The following SEZ6L variants were observed in gnomAD, a reference collection of about 807,000 sequenced individuals.
The protein encoded by SEZ6L is seizure related 6 homolog like, also known as seizure 6-like protein.
In SEZ6L, 37 loss-of-function variants were observed where a neutral mutation model predicts 106.2. That is an observed-to-expected ratio of 0.35 (90% CI 0.27 to 0.46). The LOEUF (loss-of-function observed/expected upper bound fraction) is 0.46. Ranked by LOEUF, SEZ6L falls within the 20% of genes least tolerant of loss-of-function variation. The pLI, the probability that SEZ6L is intolerant of heterozygous loss-of-function variation, is 1.00. For synonymous variants in SEZ6L, 541 were observed against 570.4 expected (o/e 0.95, Z 0.73); for missense variants, 1,172 against 1,332.8 (o/e 0.88, Z 1.88).
chr22:26,314,841 G>A (rs2081952956), intron 9 of SEZ6L, among the ~76,000 whole-genome samples: 1 of 152,252 alleles, frequency 6.6e-6, no homozygotes. Flanking sequence ...GTCTGAGAAG[G>A]CAGCAGAGGT....
At position 26,210,052 on chromosome 22, in the gene SEZ6L, C is replaced by T. The variant is rs138075143; in HGVS notation, c.94+40289C>T. 3.5e-3 allele frequency among the ~76,000 whole-genome samples: 531 copies of T among 150,634 alleles called. 6 individuals carry two copies. Among genetic ancestry groups the T allele is most frequent in the African/African-American group, 0.012 (488 of 41,032 alleles). ...AATATGTATTATGAAGCTGTAAATA[C>T]CATGCACTATGTTAGCAAAAAATAT... is the stretch of plus-strand genomic sequence containing the variant. On this transcript the variant is annotated intron_variant, in intron 1 of 16. Transcript: ENST00000248933.
chr22:26,189,894 G>A (rs868065388), intron 1 of SEZ6L, among the ~76,000 whole-genome samples: 3 of 152,022 alleles, frequency 2.0e-5, no homozygotes, highest in Non-Finnish European at 2.9e-5. Context: ...TCAGGAGATC[G>A]AGACCATCCT....
intron 1 of SEZ6L, among the ~76,000 whole-genome samples, chr22:26,197,784 T>G (rs1940673275): frequency 1.3e-5 from 2 of 152,164 alleles, no homozygotes; most frequent in South Asian, 4.1e-4. Flanking sequence ...CTTTCCAATC[T>G]CCAGTAGACT....
chr22:26,245,281 A>G (rs1458781177), intron 1 of SEZ6L, among the ~76,000 whole-genome samples: 2 of 152,168 alleles, frequency 1.3e-5, no homozygotes, highest in East Asian at 3.9e-4. Flanking sequence ...TGAAGCCAGC[A>G]TCCCCGGCTG....
At chr22:26,376,925 A>G (rs2084246852) in intron 15 of SEZ6L, among the ~76,000 whole-genome samples, 1 of 152,072 alleles carries the variant, frequency 6.6e-6, no homozygotes, top group Non-Finnish European at 1.5e-5. Flanking sequence ...ATAACACACT[A>G]AGATAAACAC....
chr22:26,253,571 C>G (rs1373569920), intron 1 of SEZ6L, among the ~76,000 whole-genome samples: 2 of 152,134 alleles, frequency 1.3e-5, no homozygotes, highest in Non-Finnish European at 2.9e-5. Context: ...AAAATAGATG[C>G]CCAGAAAATG....
At chr22:26,243,028 G>A (rs187379371) in intron 1 of SEZ6L, among the ~76,000 whole-genome samples, 1 of 152,142 alleles carries the variant, frequency 6.6e-6, no homozygotes, top group Non-Finnish European at 1.5e-5. Flanking sequence ...TGTTTGCCTT[G>A]CAACCCTTGG....
In SEZ6L at chr22:26,182,256, G is replaced by A. The variant is rs76023029; in HGVS notation, c.94+12493G>A. Among the ~76,000 whole-genome samples the A allele has an allele frequency of 4.4e-3, 669 of 152,284 alleles. 1 individual carries two copies. The highest frequency in any genetic ancestry group is 6.5e-3 in the Non-Finnish European group (445 of 68,016). On this transcript the variant is annotated intron_variant, in intron 1 of 16. Transcript: ENST00000248933. ...TCCTTGCAGACTAGAAACTCCTCAC[G>A]TCTAGGTCACCAATATTTGGCTCAG...
intron 10 of SEZ6L, 107 bp from the exon 11 acceptor site, chr22:26,347,612 T>C: frequency 1.1e-6 from 1 of 933,672 alleles, no homozygotes. Flanking sequence ...TGTTGCTCAT[T>C]TCTAGAGGCT....
chr22:26,329,220 C>G (rs2145962972), intron 9 of SEZ6L, among the ~76,000 whole-genome samples: 1 of 152,258 alleles, frequency 6.6e-6, no homozygotes, highest in Admixed American at 6.5e-5. Flanking sequence ...GTAATCCCAG[C>G]ACTCTGGGAG....
chr22:26,328,163 A>T (rs1428941305), intron 9 of SEZ6L, among the ~76,000 whole-genome samples: 2 of 152,144 alleles, frequency 1.3e-5, no homozygotes, highest in Admixed American at 1.3e-4. Flanking sequence ...ATCTGGGGAA[A>T]CTGAGACCCG....
intron 9 of SEZ6L, among the ~76,000 whole-genome samples, chr22:26,329,692 G>A (rs1050345616): frequency 2.6e-5 from 4 of 152,224 alleles, no homozygotes; most frequent in Admixed American, 2.6e-4. Context: ...AGGTTGTGCT[G>A]CATCTGAAAT....
chr22:26,295,503 TAGTCTTTGC>T (rs1368373331), intron 3 of SEZ6L, among the ~76,000 whole-genome samples: 1 of 152,206 alleles, frequency 6.6e-6, no homozygotes, highest in Admixed American at 6.5e-5. Flanking sequence ...GTAGAACCTG[TAGTCTTTGC>T]AGTCCCCAGA....
At chr22:26,370,568 C>T (rs2083996165) in intron 13 of SEZ6L, among the ~76,000 whole-genome samples, 2 of 152,098 alleles carry the variant, frequency 1.3e-5, no homozygotes, top group Admixed American at 1.3e-4. Flanking sequence ...TTTCCTCTCT[C>T]CTCCATCCCT....
intron 1 of SEZ6L, among the ~76,000 whole-genome samples, chr22:26,259,986 T>G (rs560691183): frequency 2.2e-4 from 33 of 152,274 alleles, no homozygotes; most frequent in Non-Finnish European, 3.8e-4. Flanking sequence ...AGTGGGGAAA[T>G]CATTACAACT....
chr22:26,312,095 G>T, intron 8 of SEZ6L, 133 bp downstream of exon 8: 1 of 881,170 alleles, frequency 1.1e-6, no homozygotes, highest in Non-Finnish European at 1.7e-6. Flanking sequence ...CCTTTCCAGG[G>T]TTCACTGTCC....
At chr22:26,183,609 C>T (rs1330162743) in intron 1 of SEZ6L, among the ~76,000 whole-genome samples, 3 of 152,204 alleles carry the variant, frequency 2.0e-5, no homozygotes, top group Non-Finnish European at 4.4e-5. Context: ...CAATAACCAT[C>T]CCAGACTTCA....
intron 1 of SEZ6L, among the ~76,000 whole-genome samples, chr22:26,287,038 A>T (rs907928993): frequency 6.8e-6 from 1 of 148,016 alleles, no homozygotes; most frequent in African/African-American, 2.5e-5. Flanking sequence ...GTGATCCACC[A>T]TGCCCGGTCG....
At chr22:26,363,021 AC>A (rs2083685490) in intron 12 of SEZ6L, among the ~76,000 whole-genome samples, 2 of 152,228 alleles carry the variant, frequency 1.3e-5, no homozygotes. Context: ...CCAGGCAAGT[AC>A]CACGTGAAAG....
Sources: gnomAD v4.1 joint callset for allele counts (sites outside exome capture counted in the v4.1 genomes callset) on GRCh38, gnomAD v4.1.1 for gene constraint, MANE v1.5 for transcripts, NCBI Gene and HGNC (gene_info 2026-07-23, HGNC 2026-07-21) for gene names.